The following RGS6 variants were observed in gnomAD, a reference collection of about 807,000 sequenced individuals.
RGS6 encodes regulator of G-protein signaling 6.
A neutral mutation model predicts 78.5 loss-of-function variants in RGS6; 30 were observed. That is an observed-to-expected ratio of 0.38 (90% CI 0.29 to 0.52). The LOEUF (loss-of-function observed/expected upper bound fraction) is 0.52. Ranked by LOEUF, RGS6 falls within the 20% of genes least tolerant of loss-of-function variation. The probability of loss-of-function intolerance (pLI) is 0.85; values close to 1 mark genes in which losing one functional copy is unlikely to be tolerated. For synonymous variants in RGS6, 206 were observed against 206.0 expected (o/e 1.00, Z 0.00); for missense variants, 495 against 609.7 (o/e 0.81, Z 1.98).
At chr14:72,094,083 T>C (rs2095345946) in intron 2 of RGS6, among the ~76,000 whole-genome samples, 1 of 152,218 alleles carries the variant, frequency 6.6e-6, no homozygotes, top group Non-Finnish European at 1.5e-5. Flanking sequence ...TGTTTCTTAA[T>C]GTTTCTTGTA....
intron 2 of RGS6, among the ~76,000 whole-genome samples, chr14:72,285,463 A>T (rs1224609966): frequency 6.6e-6 from 1 of 151,988 alleles, no homozygotes. Flanking sequence ...ACCATGTAAG[A>T]TGTCCTTTTT....
At chr14:72,236,142 G>A (rs554668815) in intron 2 of RGS6, among the ~76,000 whole-genome samples, 3 of 152,194 alleles carry the variant, frequency 2.0e-5, no homozygotes, top group African/African-American at 2.4e-5. Flanking sequence ...GGTCAGGGAT[G>A]TTTCCAACAT....
intron 6 of RGS6, among the ~76,000 whole-genome samples, chr14:72,465,537 GT>G (rs1410409143): frequency 7.4e-6 from 1 of 135,928 alleles, no homozygotes; most frequent in Non-Finnish European, 1.6e-5. Flanking sequence ...GCAAGGGTGG[GT>G]GGGCGGGCTG....
rs980537790 is a variant in RGS6, at chr14:72,416,439, A to C, written c.185-38089A>C. ...GTATTAAGCCTAAAACTTATAAAGT[A>C]TCAGATTTGTAAGTTGACTGTATTA... On this transcript the variant is annotated intron_variant, in intron 3 of 17. Coordinates refer to ENST00000553525, the MANE Select transcript of RGS6 (RefSeq NM_001204424.2). Among the ~76,000 whole-genome samples, 35 of 152,372 alleles carry C rather than the reference A, an allele frequency of 2.3e-4. 1 individual carries two copies. Among genetic ancestry groups the C allele is most frequent in the Middle Eastern group, 3.4e-3 (1 of 294 alleles).
intron 3 of RGS6, among the ~76,000 whole-genome samples, chr14:72,453,978 A>G (rs527473089): frequency 3.3e-5 from 5 of 152,360 alleles, no homozygotes; most frequent in Non-Finnish European, 7.3e-5. Flanking sequence ...AACTCAGTCC[A>G]TATCTAAGTG....
chr14:71,998,136 C>T (rs189637940), intron 2 of RGS6, among the ~76,000 whole-genome samples: 1 of 152,272 alleles, frequency 6.6e-6, no homozygotes, highest in East Asian at 1.9e-4. Flanking sequence ...GGTGGGACGA[C>T]TGGAAGCAAA....
At chr14:71,871,811 A>T in the RGS6 span, among the ~76,000 whole-genome samples, 1 of 152,170 alleles carries the variant, frequency 6.6e-6, no homozygotes, top group African/African-American at 2.4e-5. Flanking sequence ...GTGTCAAGGA[A>T]TCTAGCCAAC....
At chr14:72,297,410 A>G (rs564433279) in intron 2 of RGS6, among the ~76,000 whole-genome samples, 1 of 147,396 alleles carries the variant, frequency 6.8e-6, no homozygotes, top group East Asian at 2.0e-4. Context: ...TAAACATGGT[A>G]TATATTATTA....
chr14:72,068,086 A>C (rs1193359727), intron 2 of RGS6, among the ~76,000 whole-genome samples: 1 of 152,096 alleles, frequency 6.6e-6, no homozygotes, highest in East Asian at 1.9e-4. Flanking sequence ...AAATCCTGGG[A>C]AAGTGAGCCC....
intron 2 of RGS6, among the ~76,000 whole-genome samples, chr14:72,285,039 C>G (rs930945765): frequency 5.9e-5 from 9 of 152,160 alleles, no homozygotes; most frequent in African/African-American, 2.2e-4. Flanking sequence ...CGCCTGTACC[C>G]CCATTGTATC....
At chr14:71,972,691 G>A (rs2093884384) in intron 2 of RGS6, among the ~76,000 whole-genome samples, 1 of 152,106 alleles carries the variant, frequency 6.6e-6, no homozygotes, top group African/African-American at 2.4e-5. Flanking sequence ...TAGGATTGGA[G>A]GTAGGAGGAC....
chr14:72,005,252 T>G (rs1364920220), intron 2 of RGS6, among the ~76,000 whole-genome samples: 2 of 152,160 alleles, frequency 1.3e-5, no homozygotes, highest in African/African-American at 4.8e-5. Flanking sequence ...ATGTTAATGG[T>G]AAACAGTGTT....
intron 3 of RGS6, among the ~76,000 whole-genome samples, chr14:72,434,763 A>T (rs1000591809): frequency 5.3e-5 from 8 of 152,196 alleles, no homozygotes; most frequent in Non-Finnish European, 1.0e-4. Context: ...CATTAAATTC[A>T]TATGTTTATT....
intron 2 of RGS6, among the ~76,000 whole-genome samples, chr14:72,036,997 ACTT>A (rs1033490194): frequency 2.0e-4 from 31 of 152,148 alleles, no homozygotes; most frequent in Non-Finnish European, 4.4e-4. Flanking sequence ...GACTTGGAGA[ACTT>A]TCCTGTGTCT....
At chr14:71,919,840 A>G in the RGS6 span, among the ~76,000 whole-genome samples, 1 of 152,024 alleles carries the variant, frequency 6.6e-6, no homozygotes. Flanking sequence ...CTAAACATAT[A>G]AAAATTAGCC....
intron 2 of RGS6, among the ~76,000 whole-genome samples, chr14:72,172,011 T>C (rs2153684192): frequency 6.6e-6 from 1 of 152,262 alleles, no homozygotes; most frequent in African/African-American, 2.4e-5. Context: ...TGCCTCTTGG[T>C]CATTCCCTAA....
chr14:72,628,656 G>A, the RGS6 span, among the ~76,000 whole-genome samples: 2 of 151,506 alleles, frequency 1.3e-5, no homozygotes, highest in African/African-American at 4.9e-5. Flanking sequence ...GAGAGAGAGA[G>A]ATGGAGACAG....
chr14:71,974,005 T>A (rs908627779), intron 2 of RGS6, among the ~76,000 whole-genome samples: 1 of 152,194 alleles, frequency 6.6e-6, no homozygotes, highest in African/African-American at 2.4e-5. Context: ...CTTTCTAATT[T>A]GAAAAGCCTT....
At chr14:72,200,982 A>G (rs1024871078) in intron 2 of RGS6, among the ~76,000 whole-genome samples, 5 of 126,416 alleles carry the variant, frequency 4.0e-5, no homozygotes, top group African/African-American at 5.5e-5. Flanking sequence ...AAAAAAAAAA[A>G]AAAAAGAAGA....
Sources: gnomAD v4.1 joint callset for allele counts (sites outside exome capture counted in the v4.1 genomes callset) on GRCh38, gnomAD v4.1.1 for gene constraint, MANE v1.5 for transcripts, NCBI Gene and HGNC (gene_info 2026-07-23, HGNC 2026-07-21) for gene names.